Variants in PEX11G observed in about 807,000 individuals in gnomAD.
PEX11G encodes peroxisomal biogenesis factor 11 gamma, also known as peroxisomal membrane protein 11C.
In PEX11G, 20 loss-of-function variants were observed where a neutral mutation model predicts 22.5. That is an observed-to-expected ratio of 0.89 (90% CI 0.62 to 1.29). The LOEUF is 1.29. PEX11G is among the 50% of genes most tolerant of loss of function. PEX11G has a pLI of 0.00. For missense variants in PEX11G, 347 were observed against 331.3 expected (o/e 1.05, Z -0.37); for synonymous variants, 141 against 154.5 (o/e 0.91, Z 0.65).
chr19:7,482,060 GC>G lies in PEX11G; in HGVS notation c.400del (p.Ala134ProfsTer16), dbSNP rs1977512176. 2.5e-6 allele frequency: 4 copies of G among 1,604,582 alleles called. No individual in the cohort carries two copies. The Admixed American group carries it at 5.1e-5, about 20-fold the overall frequency. ...GGCAACCCCCAGGAGCAGAGAGAGG[GC>G]CCACAGGGTTGTACTCAGCGTCCAC... Reference protein sequence around the residue: ...RWWTLSTTLWALSLLLGVARS... With the variant: ...RWWTLSTTLWXLSLLLGVARS... On this transcript the variant is annotated frameshift_variant, in exon 3 of 5. Transcript: ENST00000221480. LOFTEE classifies it high-confidence loss of function.
Position 7,482,224 on chromosome 19 carries a change from G to A in PEX11G, c.250-13C>T, listed in dbSNP as rs1365035673. The A allele has an allele frequency of 6.5e-7, 1 of 1,550,284 alleles. No homozygotes were observed. Among genetic ancestry groups the A allele is most frequent in the Non-Finnish European group, 8.7e-7 (1 of 1,149,196 alleles). ...AGGCGTCCTCCTCCTGCAGGACCAGGAGCAGAGGGGGCCTAGGGTCAGACT... is the reference window on the plus strand; with the variant it reads ...AGGCGTCCTCCTCCTGCAGGACCAGAAGCAGAGGGGGCCTAGGGTCAGACT... On this transcript the variant is annotated splice_polypyrimidine_tract_variant and intron_variant, in intron 2 of 4. Coordinates refer to ENST00000221480, the MANE Select transcript of PEX11G (RefSeq NM_080662.4).
At chr19:7,494,228 C>T (rs570214449) in intron 1 of PEX11G, among the ~76,000 whole-genome samples, 1 of 152,154 alleles carries the variant, frequency 6.6e-6, no homozygotes, top group South Asian at 2.1e-4. Flanking sequence ...GTTTTCACAG[C>T]AGAAAAATTG....
rs1279306249 is a variant in PEX11G, at chr19:7,478,393, C to G, written c.429-17G>C. ...CACAGGGACCTGCAGCACCAGAGCC[C>G]GAGGGAGGATGCCCCGGCGGGGAGC... On this transcript the variant is annotated splice_polypyrimidine_tract_variant and intron_variant, in intron 3 of 4. Coordinates refer to ENST00000221480, the MANE Select transcript of PEX11G (RefSeq NM_080662.4). The G allele has an allele frequency of 6.2e-7, 1 of 1,603,858 alleles. No homozygotes were observed. Among genetic ancestry groups the G allele is most frequent in the East Asian group, 2.2e-5 (1 of 44,486 alleles).
chr19:7,490,734 T>C (rs924422718), upstream of PEX11G, among the ~76,000 whole-genome samples: 8 of 142,922 alleles, frequency 5.6e-5, no homozygotes, highest in Admixed American at 1.5e-4. Flanking sequence ...ACTTGTGTGC[T>C]CTCTGGGCCT....
At chr19:7,490,443 C>T (rs949511444), upstream of PEX11G, among the ~76,000 whole-genome samples, 6 of 151,660 alleles carry the variant, frequency 4.0e-5, no homozygotes, top group Non-Finnish European at 7.4e-5. Flanking sequence ...GCCTCAGCCT[C>T]CCGAGTAGCT....
chr19:7,479,353 G>A (rs1014261998), intron 3 of PEX11G, among the ~76,000 whole-genome samples: 2 of 152,138 alleles, frequency 1.3e-5, no homozygotes, highest in African/African-American at 2.4e-5. Flanking sequence ...GGGTGGTGGT[G>A]GGCGCCTGTA....
intron 2 of PEX11G, among the ~76,000 whole-genome samples, chr19:7,485,490 G>A (rs1445900708): frequency 1.3e-5 from 2 of 152,154 alleles, no homozygotes; most frequent in African/African-American, 4.8e-5. Context: ...TGAGTAGCTG[G>A]GACTGCAGGC....
At chr19:7,489,334 G>A, upstream of PEX11G, 1 of 1,132,332 alleles carries the variant, frequency 8.8e-7, no homozygotes. Context: ...AATATTCCAA[G>A]CAAAACCACC....
upstream of PEX11G, among the ~76,000 whole-genome samples, chr19:7,490,642 ATTTTTTTT>A (rs749165168): frequency 1.3e-3 from 72 of 55,112 alleles, no homozygotes; most frequent in African/African-American, 4.1e-3. Context: ...CCTGGCCTCT[ATTTTTTTT>A]TTTTTTTTTT....
In PEX11G at chr19:7,478,197, C is replaced by T; in HGVS notation, c.491+117G>A. On this transcript the variant is annotated intron_variant, in intron 4 of 4. Coordinates refer to ENST00000221480, the MANE Select transcript of PEX11G (RefSeq NM_080662.4). Reference sequence around the variant, plus strand: ...ACCCACCAGAGGCTGTGATGACTCCCCCATGACCTGAGCACAACAGTCCCC... The same window carrying T: ...ACCCACCAGAGGCTGTGATGACTCCTCCATGACCTGAGCACAACAGTCCCC... 4 of 1,125,848 alleles carry T rather than the reference C, an allele frequency of 3.6e-6. No individual in the cohort carries two copies. The Admixed American group carries it at 6.3e-5, about 18-fold the overall frequency. The allele number at this position is 1,125,848 out of a possible 1,614,324, so 69.7% of individuals were successfully genotyped here.
upstream of PEX11G, chr19:7,489,446 G>GT: frequency 1.0e-6 from 1 of 996,768 alleles, no homozygotes; most frequent in Non-Finnish European, 1.2e-6. Flanking sequence ...AATGACTGCT[G>GT]TAATATCACA....
chr19:7,485,200 G>A (rs767781021), intron 2 of PEX11G, among the ~76,000 whole-genome samples: 10 of 151,972 alleles, frequency 6.6e-5, no homozygotes, highest in Non-Finnish European at 1.0e-4. Flanking sequence ...ATGGAGTCTC[G>A]CTCCATTGCC....
chr19:7,479,475 CTG>C (rs769192086), intron 3 of PEX11G, among the ~76,000 whole-genome samples: 1 of 152,184 alleles, frequency 6.6e-6, no homozygotes, highest in African/African-American at 2.4e-5. Context: ...CAGAGGAAGA[CTG>C]TGTCTCAAGA....
intron 4 of PEX11G, 92 bp from the exon 5 acceptor site, chr19:7,477,528 A>C: frequency 9.2e-7 from 1 of 1,091,148 alleles, no homozygotes; most frequent in Non-Finnish European, 1.2e-6. Context: ...GGCAGCCCTG[A>C]GCCCCTGCCT....
Position 7,477,284 on chromosome 19 carries a change from C to T in PEX11G, c.644G>A (p.Gly215Asp), listed in dbSNP as rs758288828. Reference sequence around the variant, plus strand: ...GATTGAGGAGATGGTGCCCATGAGGCCCACTAGCCACGGCGGGAAGCGGCC... The same window carrying T: ...GATTGAGGAGATGGTGCCCATGAGGTCCACTAGCCACGGCGGGAAGCGGCC... ...WAGRFPPWLV[G>D]LMGTISSILS... Residue 215 changes from glycine to aspartate, a missense_variant, in exon 5 of 5, where the codon GGC becomes GAC. By Grantham distance (94) the Gly-to-Asp change is moderately conservative (BLOSUM62 -1). Coordinates refer to ENST00000221480, the MANE Select transcript of PEX11G (RefSeq NM_080662.4). 6.3e-7 allele frequency: 1 copy of T among 1,584,820 alleles called. No homozygotes were observed. Among genetic ancestry groups the T allele is most frequent in the South Asian group, 1.1e-5 (1 of 87,156 alleles).
chr19:7,484,247 C>G (rs888029535), intron 2 of PEX11G, among the ~76,000 whole-genome samples: 1 of 151,782 alleles, frequency 6.6e-6, no homozygotes, highest in Non-Finnish European at 1.5e-5. Flanking sequence ...CCAGCTATTC[C>G]GGAGGCTGAG....
chr19:7,482,233 G>A, intron 2 of PEX11G, 22 bp from the exon 3 acceptor site: 1 of 1,543,070 alleles, frequency 6.5e-7, no homozygotes, highest in Non-Finnish European at 8.7e-7. Flanking sequence ...GGAGCAGAGG[G>A]GGCCTAGGGT....
chr19:7,487,611 G>A (rs754869963), intron 1 of PEX11G, among the ~76,000 whole-genome samples: 27 of 152,166 alleles, frequency 1.8e-4, no homozygotes, highest in Admixed American at 1.6e-3. Context: ...TAGTAGAGAC[G>A]AGGTTTCATC....
At chr19:7,489,081 A>G (rs2021806642), upstream of PEX11G, 4 of 1,418,660 alleles carry the variant, frequency 2.8e-6, no homozygotes, top group East Asian at 8.5e-5. Context: ...GGGTACCGGG[A>G]GCGCCCCAAA....
Sources: gnomAD v4.1 joint callset for allele counts (sites outside exome capture counted in the v4.1 genomes callset) on GRCh38, gnomAD v4.1.1 for gene constraint, MANE v1.5 for transcripts, NCBI Gene and HGNC (gene_info 2026-07-23, HGNC 2026-07-21) for gene names.